The following FKBP5 variants were observed in gnomAD, a reference collection of about 807,000 sequenced individuals.
FKBP5 encodes FKBP prolyl isomerase 5, also known as peptidyl-prolyl cis-trans isomerase FKBP5.
A neutral mutation model predicts 50.5 loss-of-function variants in FKBP5; 23 were observed. The ratio of observed to expected loss-of-function variants is 0.46; its 90% CI spans 0.33 to 0.65. The LOEUF is 0.65. Ranked by LOEUF, FKBP5 falls within the 30% of genes least tolerant of loss-of-function variation. The pLI, the probability that FKBP5 is intolerant of heterozygous loss-of-function variation, is 0.02. For synonymous variants in FKBP5, 176 were observed against 190.6 expected, an observed-to-expected ratio of 0.92 and a Z score of 0.63; for missense variants, 411 against 553.1, an observed-to-expected ratio of 0.74 and a Z score of 2.58.
intron 1 of FKBP5, among the ~76,000 whole-genome samples, chr6:35,644,360 TAC>T (rs1310219998): frequency 1.3e-5 from 2 of 152,366 alleles, no homozygotes; most frequent in African/African-American, 4.8e-5. Flanking sequence ...CCTTCTTGTC[TAC>T]AGAGTCAAAG....
chr6:35,584,401 T>C (rs1003656340), intron 8 of FKBP5: 6 of 985,336 alleles, frequency 6.1e-6, no homozygotes, highest in Admixed American at 6.2e-5. Flanking sequence ...AATTCCAATA[T>C]GCAGATGGCA....
intron 1 of FKBP5, among the ~76,000 whole-genome samples, chr6:35,721,344 C>T (rs1766606960): frequency 6.9e-6 from 1 of 145,514 alleles, no homozygotes; most frequent in Admixed American, 6.7e-5. Flanking sequence ...GAGACTCTGT[C>T]TCCAAAAAAA....
chr6:35,685,264 T>C (rs1021263517), intron 1 of FKBP5, among the ~76,000 whole-genome samples: 1 of 152,246 alleles, frequency 6.6e-6, no homozygotes. Flanking sequence ...GGCAGTACTG[T>C]CTTTTACATA....
Position 35,596,236 on chromosome 6 carries a change from T to C in FKBP5, c.665+1012A>G, listed in dbSNP as rs368117020. 9.9e-4 allele frequency among the ~76,000 whole-genome samples: 150 copies of C among 152,228 alleles called. 3 individuals carry two copies. Among genetic ancestry groups the C allele is most frequent in the South Asian group, 1.2e-3 (6 of 4,812 alleles). Reference sequence around the variant, plus strand: ...CAGGCATGGTGGCGGGTGCCTGTAATGCCAGCTACTCGGGAGGCTGAGGCA... The same window carrying C: ...CAGGCATGGTGGCGGGTGCCTGTAACGCCAGCTACTCGGGAGGCTGAGGCA... On this transcript the variant is annotated intron_variant, in intron 6 of 10. Coordinates refer to ENST00000357266, the MANE Select transcript of FKBP5 (RefSeq NM_004117.4).
At chr6:35,701,389 G>A (rs1379534125) in intron 2 of FKBP5, among the ~76,000 whole-genome samples, 13 of 149,858 alleles carry the variant, frequency 8.7e-5, no homozygotes, top group East Asian at 2.0e-4. Context: ...GACTACAGGC[G>A]CCCGCCACTA....
chr6:35,610,956 T>C lies in FKBP5; in HGVS notation c.508+8140A>G, dbSNP rs987692865. Among the ~76,000 whole-genome samples, 5 of 152,340 alleles carry C rather than the reference T, an allele frequency of 3.3e-5. No homozygotes were observed. In the South Asian group the frequency reaches 6.2e-4, roughly 19 times the overall value. ...GAGAACTACTGCACTGGAGGTTTAC[T>C]GGCCCCGCTGTTCCATCTTGTTTTA... On this transcript the variant is annotated intron_variant, in intron 5 of 10. Coordinates refer to ENST00000357266, the MANE Select transcript of FKBP5 (RefSeq NM_004117.4).
intron 8 of FKBP5, chr6:35,581,146 C>T (rs1036404421): frequency 4.8e-5 from 47 of 980,594 alleles, no homozygotes; most frequent in Middle Eastern, 5.2e-4. Context: ...TTTGCTGACC[C>T]CTGATCTATA....
Position 35,637,005 on chromosome 6 carries a change from C to T in FKBP5, c.250+9G>A. The T allele has an allele frequency of 1.3e-6, 2 of 1,579,556 alleles. No homozygotes were observed. Among genetic ancestry groups the T allele is most frequent in the Non-Finnish European group, 1.7e-6 (2 of 1,170,876 alleles). On this transcript the variant is annotated intron_variant, in intron 3 of 10. Coordinates refer to ENST00000357266, the MANE Select transcript of FKBP5 (RefSeq NM_004117.4). ...AAGTAAAACACAACTCAAAAAAATA[C>T]CCTCTTACCTTTGCCAAGACTAAAG...
chr6:35,613,991 G>A (rs1044082288), intron 5 of FKBP5, among the ~76,000 whole-genome samples: 7 of 152,102 alleles, frequency 4.6e-5, no homozygotes, highest in African/African-American at 1.4e-4. Flanking sequence ...GAACTCCTGG[G>A]CTCAAGAGAT....
chr6:35,688,098 T>C lies in FKBP5; in HGVS notation c.-20+706A>G, dbSNP rs930688127. On this transcript the variant is annotated intron_variant, in intron 1 of 10. Coordinates refer to ENST00000357266, the MANE Select transcript of FKBP5 (RefSeq NM_004117.4). ...CCTGGGAGTGACGCGGATCACCTGT[T>C]AGACGGCGCTGCGCGGACTCCTCCA... Among the ~76,000 whole-genome samples, 5 of 152,228 alleles carry C rather than the reference T, an allele frequency of 3.3e-5. No individual in the cohort carries two copies. The East Asian group carries it at 5.8e-4, about 18-fold the overall frequency.
At chr6:35,664,840 C>T (rs1765170884) in intron 1 of FKBP5, 2 of 154,044 alleles carry the variant, frequency 1.3e-5, no homozygotes, top group Non-Finnish European at 2.9e-5. Flanking sequence ...TCTCTCACTT[C>T]AGGACCCTTT....
intron 8 of FKBP5, chr6:35,586,388 A>G (rs1762599350): frequency 1.0e-6 from 1 of 985,162 alleles, no homozygotes; most frequent in African/African-American, 1.7e-5. Flanking sequence ...AGAAGCAATC[A>G]ATACTCTCCT....
intron 5 of FKBP5, among the ~76,000 whole-genome samples, chr6:35,613,958 T>C (rs559398104): frequency 5.3e-5 from 8 of 152,342 alleles, no homozygotes; most frequent in South Asian, 4.1e-4. Context: ...TACAGTGGCA[T>C]GATCACAACT....
intron 5 of FKBP5, among the ~76,000 whole-genome samples, chr6:35,608,351 C>CT (rs1431908866): frequency 6.6e-6 from 1 of 152,090 alleles, no homozygotes; most frequent in Admixed American, 6.6e-5. Flanking sequence ...CATGTCCCCC[C>CT]TGAATCTTAA....
At chr6:35,583,347 A>G (rs1269590085) in intron 8 of FKBP5, 9 of 985,276 alleles carry the variant, frequency 9.1e-6, no homozygotes, top group African/African-American at 8.7e-5. Context: ...TAACATTTCA[A>G]TAAGTTCTGA....
chr6:35,626,411 T>C (rs1196528544), intron 3 of FKBP5, among the ~76,000 whole-genome samples: 1 of 152,210 alleles, frequency 6.6e-6, no homozygotes, highest in Non-Finnish European at 1.5e-5. Flanking sequence ...CAGTTTCATT[T>C]ATAGTAAAGA....
chr6:35,589,130 T>TATATATATA (rs1561846638), intron 7 of FKBP5, among the ~76,000 whole-genome samples: 6 of 112,964 alleles, frequency 5.3e-5, no homozygotes, highest in Non-Finnish European at 9.1e-5. Flanking sequence ...ATATATATAT[T>TATATATATA]TTTTTTTTTT....
At chr6:35,601,621 G>A (rs2150966478) in intron 5 of FKBP5, among the ~76,000 whole-genome samples, 1 of 152,302 alleles carries the variant, frequency 6.6e-6, no homozygotes, top group East Asian at 1.9e-4. Flanking sequence ...GGCTGTGGAA[G>A]CCCTGTGGTT....
intron 1 of FKBP5, among the ~76,000 whole-genome samples, chr6:35,656,716 G>A (rs1257350504): frequency 6.6e-6 from 1 of 151,932 alleles, no homozygotes; most frequent in Non-Finnish European, 1.5e-5. Flanking sequence ...GGCCAACACA[G>A]TGAAAACCCA....
Sources: gnomAD v4.1 joint callset for allele counts (sites outside exome capture counted in the v4.1 genomes callset) on GRCh38, gnomAD v4.1.1 for gene constraint, MANE v1.5 for transcripts, NCBI Gene and HGNC (gene_info 2026-07-23, HGNC 2026-07-21) for gene names.